OTUD7A: variants seen among roughly 807,000 people sequenced by gnomAD.
The protein encoded by OTUD7A is OTU deubiquitinase 7A, also known as OTU domain-containing protein 7A.
In OTUD7A, 12 loss-of-function variants were observed where a neutral mutation model predicts 65.7. The observed-to-expected ratio is 0.18, with a 90% CI of 0.12 to 0.30. The LOEUF (loss-of-function observed/expected upper bound fraction) is 0.30, where lower values mean the gene tolerates loss of function less well. Ranked by LOEUF, OTUD7A falls within the 10% of genes least tolerant of loss-of-function variation. The pLI, the probability that OTUD7A is intolerant of heterozygous loss-of-function variation, is 1.00. For missense variants in OTUD7A, 1,148 were observed against 1,304.8 expected, an observed-to-expected ratio of 0.88 and a Z score of 1.85; for synonymous variants, 641 against 586.3, an observed-to-expected ratio of 1.09 and a Z score of -1.35.
chr15:31,802,627 T>G (rs984361071), intron 1 of OTUD7A, among the ~76,000 whole-genome samples: 1 of 152,174 alleles, frequency 6.6e-6, no homozygotes, highest in Non-Finnish European at 1.5e-5. Flanking sequence ...ACTTATGGAG[T>G]CAATTTGATG....
rs1281320756 is a variant in OTUD7A, at chr15:31,498,095, G to C, written c.1171+3595C>G. Among the ~76,000 whole-genome samples the C allele has an allele frequency of 1.3e-5, 2 of 152,180 alleles. No homozygotes were observed. Among genetic ancestry groups the C allele is most frequent in the African/African-American group, 4.8e-5 (2 of 41,434 alleles). On this transcript the variant is annotated intron_variant, in intron 10 of 12. Transcript: ENST00000307050. This position sits in a 1 kb window ranked among gnomAD's most constrained non-coding sequence, Gnocchi z 4.2. ...AAAGGGAAGAGGAGCTGTGGAGATG[G>C]GCAAGGCTGTGCTTGGCTTGTTTGG...
intron 1 of OTUD7A, among the ~76,000 whole-genome samples, chr15:31,715,004 T>C (rs1595722609): frequency 1.1e-5 from 1 of 88,616 alleles, no homozygotes; most frequent in African/African-American, 3.1e-5. Flanking sequence ...GGTGTGGTGG[T>C]GGGCACCTGT....
chr15:31,834,376 G>T (rs12594819), intron 1 of OTUD7A, among the ~76,000 whole-genome samples: 1 of 151,998 alleles, frequency 6.6e-6, no homozygotes, highest in African/African-American at 2.4e-5. Flanking sequence ...GTCAGTCTTC[G>T]TCTTGCTGGT....
chr15:31,809,958 A>AC (rs982743968), intron 1 of OTUD7A, among the ~76,000 whole-genome samples: 2 of 152,238 alleles, frequency 1.3e-5, no homozygotes, highest in African/African-American at 4.8e-5. Flanking sequence ...ACATCTTGTT[A>AC]CCAGGTGAGT....
At chr15:31,811,839 C>G (rs889105077) in intron 1 of OTUD7A, among the ~76,000 whole-genome samples, 1 of 152,236 alleles carries the variant, frequency 6.6e-6, no homozygotes, top group Non-Finnish European at 1.5e-5. Context: ...CTAGGGCAAC[C>G]TGCTTTTTCC....
At chr15:31,814,514 C>T (rs988282230) in intron 1 of OTUD7A, among the ~76,000 whole-genome samples, 1 of 151,980 alleles carries the variant, frequency 6.6e-6, no homozygotes, top group African/African-American at 2.4e-5. Context: ...AATTCAAAAA[C>T]CTTGCGTAAG....
chr15:31,764,400 G>GTCAT (rs1466136452), intron 1 of OTUD7A, among the ~76,000 whole-genome samples: 1 of 152,036 alleles, frequency 6.6e-6, no homozygotes, highest in African/African-American at 2.4e-5. Context: ...AATGAGAATA[G>GTCAT]TCATTAAACA....
intron 1 of OTUD7A, among the ~76,000 whole-genome samples, chr15:31,759,005 C>T (rs1894888547): frequency 6.6e-6 from 1 of 152,092 alleles, no homozygotes; most frequent in African/African-American, 2.4e-5. Flanking sequence ...TATTTTAAAT[C>T]CCTAATAATT....
chr15:31,613,189 A>T (rs1420455162), intron 3 of OTUD7A, among the ~76,000 whole-genome samples: 1 of 152,232 alleles, frequency 6.6e-6, no homozygotes, highest in Non-Finnish European at 1.5e-5. Context: ...AACTATAAAA[A>T]TTCTAGAAGA....
intron 1 of OTUD7A, among the ~76,000 whole-genome samples, chr15:31,749,747 T>C (rs1894579152): frequency 6.6e-6 from 1 of 152,074 alleles, no homozygotes; most frequent in South Asian, 2.1e-4. Context: ...GTACAATTTT[T>C]TTTTTTAAAA....
chr15:31,632,041 C>T (rs370318906), intron 3 of OTUD7A, among the ~76,000 whole-genome samples: 12 of 152,164 alleles, frequency 7.9e-5, no homozygotes, highest in East Asian at 5.8e-4. Context: ...TGAATTTCCT[C>T]CTGTATCTCA....
intron 8 of OTUD7A, among the ~76,000 whole-genome samples, chr15:31,513,241 CA>C (rs1343291212): frequency 6.6e-6 from 1 of 152,212 alleles, no homozygotes; most frequent in East Asian, 1.9e-4. Context: ...TGCGCACATA[CA>C]GTAAAAAGAG....
At chr15:31,777,526 T>C (rs895414533) in intron 1 of OTUD7A, among the ~76,000 whole-genome samples, 4 of 8,776 alleles carry the variant, frequency 4.6e-4, no homozygotes, top group African/African-American at 3.8e-4. Context: ...GGACAGAAAA[T>C]GGAGGGGTCC....
chr15:31,710,109 T>C (rs900951720), intron 1 of OTUD7A, among the ~76,000 whole-genome samples: 2 of 151,990 alleles, frequency 1.3e-5, no homozygotes, highest in African/African-American at 2.4e-5. Flanking sequence ...GATTTTGTAA[T>C]AGAAATAAGG....
intron 5 of OTUD7A, among the ~76,000 whole-genome samples, chr15:31,537,051 T>A (rs2169021): frequency 0.55 from 83,238 of 151,990 alleles, 23,697 homozygotes; most frequent in African/African-American, 0.71. Context: ...CAAATAAAAA[T>A]ATCTAATTTT....
intron 1 of OTUD7A, among the ~76,000 whole-genome samples, chr15:31,758,942 T>C (rs930092015): frequency 2.0e-5 from 3 of 152,220 alleles, no homozygotes; most frequent in Non-Finnish European, 2.9e-5. Flanking sequence ...TATCTAGGCA[T>C]TGAAGTGTTT....
intron 1 of OTUD7A, among the ~76,000 whole-genome samples, chr15:31,774,359 T>C (rs780381112): frequency 6.6e-6 from 1 of 152,254 alleles, no homozygotes; most frequent in Non-Finnish European, 1.5e-5. Context: ...CTGCCGGCTC[T>C]TCATGACGCT....
At chr15:31,856,169 T>C (rs1383567024) in intron 1 of OTUD7A, among the ~76,000 whole-genome samples, 1 of 152,238 alleles carries the variant, frequency 6.6e-6, no homozygotes, top group Non-Finnish European at 1.5e-5. Context: ...CTTTTTTAGT[T>C]AAAATAGCAT....
intron 8 of OTUD7A, among the ~76,000 whole-genome samples, chr15:31,516,909 C>T (rs1271551282): frequency 6.6e-6 from 1 of 152,158 alleles, no homozygotes; most frequent in Non-Finnish European, 1.5e-5. Context: ...ACTTGCTTCC[C>T]ATTGTGGCGG....
Sources: allele counts gnomAD v4.1 joint callset (sites outside exome capture counted in the v4.1 genomes callset), GRCh38; gene constraint gnomAD v4.1.1; non-coding constraint Gnocchi (gnomAD v3.1); transcripts MANE v1.5; gene names NCBI Gene and HGNC (gene_info 2026-07-23, HGNC 2026-07-21).